The following NAALADL2 variants were observed in gnomAD, a reference collection of about 807,000 sequenced individuals.
NAALADL2 encodes N-acetylated alpha-linked acidic dipeptidase like 2.
A neutral mutation model predicts 87.2 loss-of-function variants in NAALADL2; 76 were observed. The ratio of observed to expected loss-of-function variants is 0.87; its 90% CI spans 0.72 to 1.05. The LOEUF (loss-of-function observed/expected upper bound fraction) is 1.05, where lower values mean the gene tolerates loss of function less well. Ranked by LOEUF, NAALADL2 falls within the 50% of genes least tolerant of loss-of-function variation. The probability of loss-of-function intolerance (pLI) is 0.00; values close to 1 mark genes in which losing one functional copy is unlikely to be tolerated. For missense variants in NAALADL2, 1,089 were observed against 945.8 expected, an observed-to-expected ratio of 1.15 and a Z score of -1.99; for synonymous variants, 354 against 331.0, an observed-to-expected ratio of 1.07 and a Z score of -0.75.
Position 174,954,173 on chromosome 3 carries a change from A to T in NAALADL2, c.43+94723A>T, listed in dbSNP as rs377382950. Among the ~76,000 whole-genome samples, 13 of 152,196 alleles carry T rather than the reference A, an allele frequency of 8.5e-5. No individual in the cohort carries two copies. In the East Asian group the frequency reaches 1.4e-3, roughly 16 times the overall value. On this transcript the variant is annotated intron_variant, in intron 1 of 13. Transcript: ENST00000454872. ...CTAATCAGGCAACTTGAATACTGAC[A>T]AAACAAATCAATAAGCTCACTGGAG...
At chr3:174,738,898 C>T (rs1228656963) in intron 3 of NAALADL2, among the ~76,000 whole-genome samples, 1 of 152,036 alleles carries the variant, frequency 6.6e-6, no homozygotes, top group Non-Finnish European at 1.5e-5. Flanking sequence ...CATGATGCAT[C>T]AGTTTAATCT....
At chr3:175,621,036 G>A (rs972044874) in intron 10 of NAALADL2, among the ~76,000 whole-genome samples, 2 of 152,116 alleles carry the variant, frequency 1.3e-5, no homozygotes, top group African/African-American at 4.8e-5. Context: ...ACATTCAGTT[G>A]GTTAAAAAGC....
At chr3:175,131,796 AC>A (rs1341311465) in intron 2 of NAALADL2, among the ~76,000 whole-genome samples, 2 of 138,690 alleles carry the variant, frequency 1.4e-5, no homozygotes, top group African/African-American at 5.6e-5. Context: ...TCCCTCCCGG[AC>A]GGGGGGCCTG....
At chr3:175,000,915 C>T (rs993346907) in intron 1 of NAALADL2, among the ~76,000 whole-genome samples, 1 of 152,174 alleles carries the variant, frequency 6.6e-6, no homozygotes, top group Non-Finnish European at 1.5e-5. Flanking sequence ...GCACAGCTAG[C>T]AGAAGACAGG....
intron 2 of NAALADL2, among the ~76,000 whole-genome samples, chr3:174,733,389 T>C (rs1436588193): frequency 6.6e-6 from 1 of 152,254 alleles, no homozygotes; most frequent in Non-Finnish European, 1.5e-5. Context: ...AAAGGCATTA[T>C]GTTAGACAAA....
intron 2 of NAALADL2, among the ~76,000 whole-genome samples, chr3:175,162,184 C>G (rs1733326738): frequency 6.6e-6 from 1 of 152,132 alleles, no homozygotes; most frequent in Admixed American, 6.6e-5. Flanking sequence ...CTCCTTCTCT[C>G]TCTTTCTTAA....
intron 11 of NAALADL2, among the ~76,000 whole-genome samples, chr3:175,725,252 T>C (rs1174169118): frequency 6.6e-6 from 1 of 152,154 alleles, no homozygotes; most frequent in African/African-American, 2.4e-5. Context: ...TTAATCTTTC[T>C]ATGACTAATT....
chr3:174,756,308 T>C (rs1712071426), intron 3 of NAALADL2, among the ~76,000 whole-genome samples: 1 of 152,206 alleles, frequency 6.6e-6, no homozygotes, highest in Admixed American at 6.5e-5. Flanking sequence ...TTCAGTAATG[T>C]TCTGTCTTTG....
intron 2 of NAALADL2, among the ~76,000 whole-genome samples, chr3:174,562,593 A>G (rs913498205): frequency 3.9e-5 from 6 of 152,106 alleles, no homozygotes; most frequent in Non-Finnish European, 7.4e-5. Context: ...ATATATTAGC[A>G]TTCTTTTTGC....
At chr3:175,201,175 A>G (rs777760176) in intron 2 of NAALADL2, among the ~76,000 whole-genome samples, 31 of 152,240 alleles carry the variant, frequency 2.0e-4, no homozygotes, top group Non-Finnish European at 3.4e-4. Flanking sequence ...TCTTCACTCT[A>G]TGTATCTCTA....
At chr3:175,673,489 C>A (rs919198665) in intron 11 of NAALADL2, among the ~76,000 whole-genome samples, 1 of 152,102 alleles carries the variant, frequency 6.6e-6, no homozygotes, top group African/African-American at 2.4e-5. Context: ...TGGAGTAGAA[C>A]TGGACCTTAA....
At chr3:174,803,461 C>A (rs1261390625) in intron 3 of NAALADL2, among the ~76,000 whole-genome samples, 2 of 152,122 alleles carry the variant, frequency 1.3e-5, no homozygotes, top group Non-Finnish European at 2.9e-5. Flanking sequence ...TTTTGCTGTG[C>A]AGAAGCTCTT....
At chr3:175,629,272 T>TTATA (rs112940341) in intron 11 of NAALADL2, among the ~76,000 whole-genome samples, 9 of 147,942 alleles carry the variant, frequency 6.1e-5, no homozygotes, top group African/African-American at 1.5e-4. Flanking sequence ...CTTGGAGATT[T>TTATA]TATATATAGA....
intron 3 of NAALADL2, among the ~76,000 whole-genome samples, chr3:174,799,645 AGT>A (rs1718570229): frequency 6.6e-6 from 1 of 152,228 alleles, no homozygotes; most frequent in South Asian, 2.1e-4. Context: ...GGACTAATAC[AGT>A]AAATTCTACC....
chr3:175,523,607 G>A (rs1396338924), intron 9 of NAALADL2, among the ~76,000 whole-genome samples: 3 of 152,210 alleles, frequency 2.0e-5, no homozygotes, highest in African/African-American at 4.8e-5. Flanking sequence ...CGAAGCAATG[G>A]AGCAATGGTG....
rs149107972 is a variant in NAALADL2, at chr3:175,590,371, T to C, written c.1800+14184T>C. 9.1e-3 allele frequency among the ~76,000 whole-genome samples: 1,371 copies of C among 150,116 alleles called. 30 individuals are homozygous for C. The highest frequency in any genetic ancestry group is 0.033 in the African/African-American group (1,317 of 40,362). On this transcript the variant is annotated intron_variant, in intron 10 of 13. Coordinates refer to ENST00000454872, the MANE Select transcript of NAALADL2 (RefSeq NM_207015.3). Reference sequence around the variant, plus strand: ...TTTTTTTTGGAAAGAATAGTCGATATAGTGTCTGTATCTGGAAATAAATAT... The same window carrying C: ...TTTTTTTTGGAAAGAATAGTCGATACAGTGTCTGTATCTGGAAATAAATAT...
intron 3 of NAALADL2, among the ~76,000 whole-genome samples, chr3:174,847,912 C>T (rs1222107774): frequency 6.6e-6 from 1 of 151,652 alleles, no homozygotes; most frequent in Non-Finnish European, 1.5e-5. Flanking sequence ...TTTTGACATA[C>T]TGGATCCAGT....
intron 2 of NAALADL2, among the ~76,000 whole-genome samples, chr3:175,124,188 G>A (rs918148746): frequency 1.3e-5 from 2 of 151,940 alleles, no homozygotes; most frequent in African/African-American, 4.8e-5. Context: ...ATTTGGGCAT[G>A]ATCAAATTCT....
intron 2 of NAALADL2, among the ~76,000 whole-genome samples, chr3:174,681,454 A>G (rs1727529816): frequency 6.6e-6 from 1 of 151,980 alleles, no homozygotes; most frequent in African/African-American, 2.4e-5. Flanking sequence ...CCTGCAGAGG[A>G]GAGGGAAGAG....
Sources: allele counts gnomAD v4.1 joint callset (sites outside exome capture counted in the v4.1 genomes callset), GRCh38; gene constraint gnomAD v4.1.1; transcripts MANE v1.5; gene names NCBI Gene and HGNC (gene_info 2026-07-23, HGNC 2026-07-21).